The following PIK3CA variants were observed in gnomAD, a reference collection of about 807,000 sequenced individuals.
The protein encoded by PIK3CA is phosphatidylinositol 4,5-bisphosphate 3-kinase catalytic subunit alpha isoform.
A neutral mutation model predicts 138.2 loss-of-function variants in PIK3CA; 27 were observed. That is an observed-to-expected ratio of 0.20 (90% CI 0.14 to 0.27). PIK3CA has a LOEUF of 0.27. PIK3CA is among the 10% of genes least tolerant of loss of function. The pLI, the probability that PIK3CA is intolerant of heterozygous loss-of-function variation, is 1.00. For missense variants in PIK3CA, 544 were observed against 1,277.4 expected (o/e 0.43, Z 8.75); for synonymous variants, 358 against 413.2 (o/e 0.87, Z 1.62).
chr3:179,165,855 G>A (rs1157000686), intron 1 of PIK3CA, among the ~76,000 whole-genome samples: 1 of 152,056 alleles, frequency 6.6e-6, no homozygotes, highest in Non-Finnish European at 1.5e-5. Context: ...CTCCTACTCA[G>A]TAACATGTTG....
intron 1 of PIK3CA, among the ~76,000 whole-genome samples, chr3:179,185,108 C>A (rs1222887032): frequency 2.6e-5 from 4 of 152,116 alleles, no homozygotes; most frequent in Non-Finnish European, 5.9e-5. Flanking sequence ...AGTGGAAAGA[C>A]TTGAAAGAAA....
chr3:179,222,025 T>G (rs1455873863), intron 14 of PIK3CA, among the ~76,000 whole-genome samples: 1 of 151,980 alleles, frequency 6.6e-6, no homozygotes, highest in Non-Finnish European at 1.5e-5. Flanking sequence ...AACTTTTTTA[T>G]GACCTTTTCC....
At chr3:179,188,280 C>T (rs560069531) in intron 1 of PIK3CA, among the ~76,000 whole-genome samples, 1 of 152,298 alleles carries the variant, frequency 6.6e-6, no homozygotes, top group African/African-American at 2.4e-5. Context: ...ACTAGTTAGG[C>T]TCTCTTTGTG....
intron 7 of PIK3CA, 106 bp from the exon 8 acceptor site, chr3:179,210,080 C>A: frequency 1.3e-6 from 1 of 788,832 alleles, no homozygotes; most frequent in Non-Finnish European, 1.9e-6. Context: ...TTTAGATATT[C>A]CCATTATTAT....
chr3:179,178,212 C>A (rs1166493392), intron 1 of PIK3CA, among the ~76,000 whole-genome samples: 1 of 144,010 alleles, frequency 6.9e-6, no homozygotes, highest in Non-Finnish European at 1.5e-5. Flanking sequence ...TATGATCATG[C>A]CACTGCACTC....
At chr3:179,209,760 G>T in intron 7 of PIK3CA, 60 bp downstream of exon 7, 1 of 879,368 alleles carries the variant, frequency 1.1e-6, no homozygotes, top group South Asian at 2.0e-5. Flanking sequence ...TTATACCGCT[G>T]ATTGAATTTT....
chr3:179,153,367 A>G (rs562122086), intron 1 of PIK3CA, among the ~76,000 whole-genome samples: 1 of 152,294 alleles, frequency 6.6e-6, no homozygotes, highest in African/African-American at 2.4e-5. Context: ...CCTAATCTGA[A>G]AATTTGAAAT....
intron 6 of PIK3CA, among the ~76,000 whole-genome samples, chr3:179,209,052 TATAA>T (rs1187275682): frequency 2.0e-5 from 3 of 148,300 alleles, no homozygotes; most frequent in African/African-American, 7.3e-5. Flanking sequence ...ATATTATAAA[TATAA>T]ATAAGTTTTT....
Position 179,209,576 on chromosome 3 carries a change from G to A in PIK3CA, c.1146-19G>A. 28 of 1,454,126 alleles carry A rather than the reference G, an allele frequency of 1.9e-5. No homozygotes were observed. Among genetic ancestry groups the A allele is most frequent in the Non-Finnish European group, 2.7e-5 (28 of 1,046,240 alleles). The allele number at this position is 1,454,126 out of a possible 1,614,324, so 90.1% of individuals were successfully genotyped here. ...AGACTTTTCTTGATGTATTATTTTT[G>A]CTTTAAAATTTTACATAGGTGGAAT... On this transcript the variant is annotated intron_variant, in intron 6 of 20. Coordinates refer to ENST00000263967, the MANE Select transcript of PIK3CA (RefSeq NM_006218.4).
intron 9 of PIK3CA, among the ~76,000 whole-genome samples, chr3:179,214,916 TA>T (rs1480205030): frequency 6.6e-6 from 1 of 152,170 alleles, no homozygotes; most frequent in East Asian, 1.9e-4. Context: ...ACAGTATAAT[TA>T]TCTAGGTTCA....
chr3:179,152,800 G>A (rs564344877), intron 1 of PIK3CA, among the ~76,000 whole-genome samples: 98 of 152,286 alleles, frequency 6.4e-4, no homozygotes, highest in African/African-American at 2.3e-3. Context: ...TTTGGTTTCA[G>A]TCTCTCAGAA....
In PIK3CA at chr3:179,237,968, T is replaced by C. The variant is rs2108433046; in HGVS notation, c.*3604T>C. ...CAAGACATCACTAAAATATTTAAGT[T>C]TAAAGATAATATGTGGTGTTAATAG... On this transcript the variant is annotated 3_prime_UTR_variant, in exon 21 of 21. Coordinates refer to ENST00000263967, the MANE Select transcript of PIK3CA (RefSeq NM_006218.4). The C allele has an allele frequency of 4.6e-6, 1 of 215,280 alleles. No individual in the cohort carries two copies. The highest frequency in any genetic ancestry group is 2.3e-5 in the African/African-American group (1 of 44,432). 13.3% of individuals were successfully genotyped at this position (215,280 alleles called of 1,614,324 possible). A position where few individuals can be genotyped will look rare whatever the true frequency, so the allele number is the denominator to read the frequency against.
intron 1 of PIK3CA, among the ~76,000 whole-genome samples, chr3:179,177,477 T>A (rs1461879998): frequency 6.6e-6 from 1 of 152,070 alleles, no homozygotes; most frequent in Non-Finnish European, 1.5e-5. Flanking sequence ...CACACCCAGC[T>A]AATTTTTGAA....
chr3:179,169,899 G>A (rs9838411), intron 1 of PIK3CA, among the ~76,000 whole-genome samples: 37,251 of 152,140 alleles, frequency 0.24, 5,621 homozygotes, highest in African/African-American at 0.42. Flanking sequence ...TCAGTAGTTT[G>A]TTAAAACACA....
At chr3:179,190,784 T>C (rs1480623211) in intron 1 of PIK3CA, among the ~76,000 whole-genome samples, 2 of 152,160 alleles carry the variant, frequency 1.3e-5, no homozygotes, top group Non-Finnish European at 2.9e-5. Context: ...ATCGTATGCA[T>C]ATGCATAGGG....
At chr3:179,172,258 CTG>C (rs1463661355) in intron 1 of PIK3CA, among the ~76,000 whole-genome samples, 2 of 151,736 alleles carry the variant, frequency 1.3e-5, no homozygotes, top group African/African-American at 4.8e-5. Context: ...TAAAGAATGT[CTG>C]TGAAAAAAAA....
intron 9 of PIK3CA, 51 bp downstream of exon 9, chr3:179,210,616 A>T (rs2108401934): frequency 1.3e-6 from 2 of 1,554,492 alleles, no homozygotes; most frequent in Non-Finnish European, 1.8e-6. Context: ...CTGTGGATTT[A>T]GGTAGATACT....
At chr3:179,180,529 AGG>A (rs1210951056) in intron 1 of PIK3CA, among the ~76,000 whole-genome samples, 1 of 152,022 alleles carries the variant, frequency 6.6e-6, no homozygotes, top group East Asian at 1.9e-4. Flanking sequence ...GAACTCTTTT[AGG>A]GTCTAATAGT....
At chr3:179,221,198 A>T in intron 14 of PIK3CA, 41 bp downstream of exon 14, 1 of 1,441,916 alleles carries the variant, frequency 6.9e-7, no homozygotes, top group Non-Finnish European at 9.7e-7. Context: ...TTTTCACTGC[A>T]GTGGGGCAGA....
Sources: allele counts gnomAD v4.1 joint callset (sites outside exome capture counted in the v4.1 genomes callset), GRCh38; gene constraint gnomAD v4.1.1; transcripts MANE v1.5; gene names NCBI Gene and HGNC (gene_info 2026-07-23, HGNC 2026-07-21).